DPP10: variants seen among roughly 807,000 people sequenced by gnomAD.
DPP10 encodes inactive dipeptidyl peptidase 10.
DPP10 carries 33 observed loss-of-function variants against 120.9 expected under a neutral mutation model. The ratio of observed to expected loss-of-function variants is 0.27; its 90% CI spans 0.21 to 0.37. DPP10 has a LOEUF of 0.37. DPP10 is among the 10% of genes least tolerant of loss of function. DPP10 has a pLI of 1.00. For synonymous variants in DPP10, 337 were observed against 326.1 expected, an observed-to-expected ratio of 1.03 and a Z score of -0.36; for missense variants, 816 against 942.8, an observed-to-expected ratio of 0.87 and a Z score of 1.76.
intron 1 of DPP10, among the ~76,000 whole-genome samples, chr2:114,502,972 A>AG (rs1683329479): frequency 6.6e-6 from 1 of 152,208 alleles, no homozygotes; most frequent in Non-Finnish European, 1.5e-5. Flanking sequence ...ATGACATAAA[A>AG]GTGCGTGTGT....
At chr2:114,700,983 G>A (rs1016844628) in intron 1 of DPP10, among the ~76,000 whole-genome samples, 1 of 152,046 alleles carries the variant, frequency 6.6e-6, no homozygotes, top group East Asian at 1.9e-4. Flanking sequence ...AATAGAGAAC[G>A]TGTAGGAGCT....
intron 1 of DPP10, among the ~76,000 whole-genome samples, chr2:114,948,465 T>C (rs1051069602): frequency 6.6e-6 from 1 of 152,208 alleles, no homozygotes; most frequent in African/African-American, 2.4e-5. Flanking sequence ...TATGGTTCAT[T>C]GTCTCTGGGA....
intron 3 of DPP10, among the ~76,000 whole-genome samples, chr2:115,463,839 A>G (rs957934221): frequency 2.0e-5 from 3 of 152,164 alleles, no homozygotes; most frequent in Non-Finnish European, 4.4e-5. Flanking sequence ...GTGCTGAGAT[A>G]AGATCCCTGC....
chr2:115,458,834 C>T (rs912009441), intron 3 of DPP10, among the ~76,000 whole-genome samples: 1 of 152,096 alleles, frequency 6.6e-6, no homozygotes, highest in Non-Finnish European at 1.5e-5. Flanking sequence ...ATGCACATTA[C>T]TTATATACGT....
At chr2:115,430,781 G>A (rs887964933) in intron 3 of DPP10, among the ~76,000 whole-genome samples, 7 of 152,244 alleles carry the variant, frequency 4.6e-5, no homozygotes, top group South Asian at 2.1e-4. Flanking sequence ...CACATTGCCC[G>A]CGTCCATAAA....
Position 115,388,591 on chromosome 2 carries a change from TTTTC to T in DPP10, c.271+44683_271+44686del, listed in dbSNP as rs1574672848. Among the ~76,000 whole-genome samples the T allele has an allele frequency of 2.0e-5, 3 of 152,152 alleles. No individual in the cohort carries two copies. The East Asian group carries it at 5.8e-4, about 29-fold the overall frequency. On this transcript the variant is annotated intron_variant, in intron 3 of 25. Coordinates refer to ENST00000410059, the MANE Select transcript of DPP10 (RefSeq NM_020868.6). ...GGTGATTCAACTAGCTCTGCTTGCT[TTTTC>T]TTTATATTTGCAAAAGAATTGTGAG...
chr2:114,813,335 T>C (rs1326104693), intron 1 of DPP10, among the ~76,000 whole-genome samples: 4 of 152,204 alleles, frequency 2.6e-5, no homozygotes, highest in Non-Finnish European at 5.9e-5. Context: ...AAATTATATA[T>C]ATGAACTTTG....
intron 3 of DPP10, among the ~76,000 whole-genome samples, chr2:115,469,901 A>AAAAAAAAAAAG (rs1558709906): frequency 8.0e-5 from 6 of 74,652 alleles, no homozygotes; most frequent in Non-Finnish European, 9.4e-5. Context: ...AAAAAAAAAG[A>AAAAAAAAAAAG]AAAAAAAAAA....
At chr2:115,822,533 C>A (rs1352283273) in intron 21 of DPP10, among the ~76,000 whole-genome samples, 1 of 151,926 alleles carries the variant, frequency 6.6e-6, no homozygotes, top group East Asian at 1.9e-4. Flanking sequence ...ATCTATAAAT[C>A]ACCTGGCAAA....
intron 1 of DPP10, among the ~76,000 whole-genome samples, chr2:114,852,110 A>C (rs971941455): frequency 1.6e-5 from 2 of 123,430 alleles, no homozygotes. Flanking sequence ...CACATTTGCT[A>C]TGCCTATTAT....
intron 1 of DPP10, among the ~76,000 whole-genome samples, chr2:115,287,607 C>T (rs183763492): frequency 2.5e-4 from 38 of 152,182 alleles, no homozygotes; most frequent in African/African-American, 7.0e-4. Flanking sequence ...ACTCAAGTTG[C>T]GGCAAAAGAC....
At chr2:115,432,403 T>C (rs1033349108) in intron 3 of DPP10, among the ~76,000 whole-genome samples, 1 of 151,992 alleles carries the variant, frequency 6.6e-6, no homozygotes, top group African/African-American at 2.4e-5. Flanking sequence ...TTTGCTCTCA[T>C]TGGTTCTGCT....
At chr2:115,775,297 A>G (rs968089533) in intron 13 of DPP10, among the ~76,000 whole-genome samples, 2 of 152,086 alleles carry the variant, frequency 1.3e-5, no homozygotes, top group South Asian at 4.1e-4. Context: ...TAAAACAAAT[A>G]GTAAGTTATT....
At chr2:115,287,290 A>G (rs2060443942) in intron 1 of DPP10, among the ~76,000 whole-genome samples, 1 of 152,064 alleles carries the variant, frequency 6.6e-6, no homozygotes, top group African/African-American at 2.4e-5. Flanking sequence ...TTTATTTTTA[A>G]TTAATTTTTT....
intron 1 of DPP10, among the ~76,000 whole-genome samples, chr2:114,766,473 C>T (rs1162428466): frequency 6.6e-6 from 1 of 152,090 alleles, no homozygotes; most frequent in Admixed American, 6.6e-5. Context: ...CTTTTATTCA[C>T]ACAAAAACCT....
chr2:114,729,227 C>T (rs753580039), intron 1 of DPP10, among the ~76,000 whole-genome samples: 15 of 152,228 alleles, frequency 9.9e-5, no homozygotes, highest in East Asian at 1.9e-4. Context: ...TTTTAATACA[C>T]ATTTCCAGTT....
At chr2:115,544,166 CA>C (rs2079352604) in intron 5 of DPP10, among the ~76,000 whole-genome samples, 1 of 151,792 alleles carries the variant, frequency 6.6e-6, no homozygotes, top group Non-Finnish European at 1.5e-5. Flanking sequence ...AATTTTGTCA[CA>C]AAAACCATAA....
At chr2:114,568,028 A>G (rs1689336232) in intron 1 of DPP10, among the ~76,000 whole-genome samples, 1 of 148,992 alleles carries the variant, frequency 6.7e-6, no homozygotes, top group Admixed American at 6.8e-5. Context: ...AAATTAAAAA[A>G]AAAGAGAGAG....
intron 5 of DPP10, among the ~76,000 whole-genome samples, chr2:115,537,469 C>G (rs2078920822): frequency 6.6e-6 from 1 of 150,974 alleles, no homozygotes; most frequent in African/African-American, 2.4e-5. Context: ...TATTATAAGG[C>G]TTTAGAGAGA....
Sources: allele counts gnomAD v4.1 joint callset (sites outside exome capture counted in the v4.1 genomes callset), GRCh38; gene constraint gnomAD v4.1.1; transcripts MANE v1.5; gene names NCBI Gene and HGNC (gene_info 2026-07-23, HGNC 2026-07-21).